Variants in WDFY2 observed in about 807,000 individuals in gnomAD.
WDFY2 encodes WD repeat and FYVE domain containing 2.
Under a neutral mutation model 56.4 loss-of-function variants are expected in WDFY2, and 36 were observed. The ratio of observed to expected loss-of-function variants is 0.64; its 90% CI spans 0.49 to 0.84. The LOEUF (loss-of-function observed/expected upper bound fraction) is 0.84, where lower values mean the gene tolerates loss of function less well. Ranked by LOEUF, WDFY2 falls within the 40% of genes least tolerant of loss-of-function variation. WDFY2 has a pLI of 0.00. For synonymous variants in WDFY2, 176 were observed against 183.7 expected, an observed-to-expected ratio of 0.96 and a Z score of 0.34; for missense variants, 444 against 512.2, an observed-to-expected ratio of 0.87 and a Z score of 1.29.
chr13:51,622,911 G>A (rs1369077477), intron 1 of WDFY2, among the ~76,000 whole-genome samples: 6 of 148,002 alleles, frequency 4.1e-5, no homozygotes, highest in African/African-American at 1.5e-4. Context: ...AGGCTGGAGT[G>A]TGGTGGTACG....
intron 2 of WDFY2, among the ~76,000 whole-genome samples, chr13:51,662,432 C>T (rs1219012140): frequency 6.6e-6 from 1 of 152,158 alleles, no homozygotes; most frequent in Non-Finnish European, 1.5e-5. Context: ...AAGGGAGAGG[C>T]TGACCTGGGC....
intron 7 of WDFY2, among the ~76,000 whole-genome samples, chr13:51,745,930 A>G (rs1236473413): frequency 2.0e-5 from 3 of 150,042 alleles, no homozygotes; most frequent in Admixed American, 6.6e-5. Context: ...GGAAGTTTTT[A>G]TAAAGAATCT....
chr13:51,694,268 C>T (rs757302953), intron 3 of WDFY2, among the ~76,000 whole-genome samples: 1 of 152,210 alleles, frequency 6.6e-6, no homozygotes, highest in Non-Finnish European at 1.5e-5. Flanking sequence ...GATGCAGTTT[C>T]TTCCTAGCCT....
At chr13:51,661,120 A>G (rs1031285349) in intron 2 of WDFY2, among the ~76,000 whole-genome samples, 2 of 152,186 alleles carry the variant, frequency 1.3e-5, no homozygotes, top group African/African-American at 2.4e-5. Context: ...AAACATTCTA[A>G]TTAGATGTTG....
chr13:51,703,717 A>G (rs1952031315), intron 4 of WDFY2, 67 bp downstream of exon 4: 3 of 1,244,230 alleles, frequency 2.4e-6, no homozygotes, highest in Non-Finnish European at 2.3e-6. Flanking sequence ...TTTCACTGCC[A>G]CAAGAGAATA....
At chr13:51,650,857 A>G (rs1955366462) in intron 1 of WDFY2, among the ~76,000 whole-genome samples, 1 of 152,040 alleles carries the variant, frequency 6.6e-6, no homozygotes, top group East Asian at 1.9e-4. Context: ...TTCATCAGGG[A>G]TATTGGTCTA....
chr13:51,728,659 T>C (rs1337584752), intron 6 of WDFY2, among the ~76,000 whole-genome samples: 3 of 151,864 alleles, frequency 2.0e-5, no homozygotes, highest in Admixed American at 2.0e-4. Flanking sequence ...AGGGAAAAAA[T>C]GGAATGCTAG....
chr13:51,674,819 T>C (rs1955860213), intron 2 of WDFY2, among the ~76,000 whole-genome samples: 1 of 152,126 alleles, frequency 6.6e-6, no homozygotes, highest in Admixed American at 6.5e-5. Context: ...TAAGATGGAA[T>C]TGGAGTGGTA....
chr13:51,585,965 G>A (rs1166932319), intron 1 of WDFY2: 4 of 398,278 alleles, frequency 1.0e-5, no homozygotes, highest in Non-Finnish European at 1.8e-5. Context: ...GTATATTAAT[G>A]ACATGTTCTT....
intron 4 of WDFY2, among the ~76,000 whole-genome samples, chr13:51,707,698 A>T (rs1952113277): frequency 6.6e-6 from 1 of 152,136 alleles, no homozygotes. Flanking sequence ...AAAAATGGGA[A>T]CTGAAAGGTT....
intron 10 of WDFY2, among the ~76,000 whole-genome samples, chr13:51,757,807 A>T (rs1953444820): frequency 6.6e-6 from 1 of 151,130 alleles, no homozygotes; most frequent in Non-Finnish European, 1.5e-5. Context: ...TAGTAATATC[A>T]TGGGACACTT....
In WDFY2 at chr13:51,763,543, A is replaced by C. The variant is rs961660994; in HGVS notation, c.*3774A>C. ...GCCAGGTGCCATGGCTCACACCTAT[A>C]ATCTGAACACTTTGGGAGGACAAGG... On this transcript the variant is annotated 3_prime_UTR_variant, in exon 12 of 12. Coordinates refer to ENST00000298125, the MANE Select transcript of WDFY2 (RefSeq NM_052950.4). 8 of 152,236 alleles carry C rather than the reference A, an allele frequency of 5.3e-5. No homozygotes were observed. Among genetic ancestry groups the C allele is most frequent in the African/African-American group, 9.6e-5 (4 of 41,452 alleles). The allele number at this position is 152,236 out of a possible 1,614,324, so 9.4% of individuals were successfully genotyped here. A position where few individuals can be genotyped will look rare whatever the true frequency, so the allele number is the denominator to read the frequency against.
intron 1 of WDFY2, among the ~76,000 whole-genome samples, chr13:51,612,918 T>C (rs903653481): frequency 1.3e-5 from 2 of 152,216 alleles, no homozygotes; most frequent in Non-Finnish European, 2.9e-5. Flanking sequence ...AGGGAGTTTA[T>C]TCATAGTTGA....
chr13:51,670,026 A>T (rs1955779377), intron 2 of WDFY2, among the ~76,000 whole-genome samples: 1 of 152,186 alleles, frequency 6.6e-6, no homozygotes. Flanking sequence ...AGTAATTTTA[A>T]GGTGGGGGAA....
chr13:51,610,288 G>A (rs1037407414), intron 1 of WDFY2, among the ~76,000 whole-genome samples: 5 of 141,520 alleles, frequency 3.5e-5, no homozygotes, highest in Admixed American at 2.2e-4. Flanking sequence ...ATCCCTTTTC[G>A]TTGATGATTT....
chr13:51,645,202 ATTAG>A (rs1004100070), intron 1 of WDFY2, among the ~76,000 whole-genome samples: 3 of 150,560 alleles, frequency 2.0e-5, no homozygotes, highest in African/African-American at 7.4e-5. Flanking sequence ...AAGTTTTTCT[ATTAG>A]TTTGCAGATC....
chr13:51,659,738 C>G (rs1029832059), intron 1 of WDFY2, among the ~76,000 whole-genome samples: 4 of 152,206 alleles, frequency 2.6e-5, no homozygotes, highest in Non-Finnish European at 4.4e-5. Context: ...TGTTCCATAG[C>G]AAGCCTCATG....
chr13:51,759,913 C>G lies in WDFY2; in HGVS notation c.*144C>G. 1 of 836,604 alleles carries G rather than the reference C, an allele frequency of 1.2e-6. No homozygotes were observed. Among genetic ancestry groups the G allele is most frequent in the Non-Finnish European group, 1.9e-6 (1 of 526,862 alleles). The allele number at this position is 836,604 out of a possible 1,614,324, so 51.8% of individuals were successfully genotyped here. On this transcript the variant is annotated 3_prime_UTR_variant, in exon 12 of 12. Coordinates refer to ENST00000298125, the MANE Select transcript of WDFY2 (RefSeq NM_052950.4). ...AATGAATTTGCAGATTACCCATGTG[C>G]ACAGTGGGGACCTGGCCAGTGAGCA...
intron 5 of WDFY2, among the ~76,000 whole-genome samples, chr13:51,721,364 A>C (rs1294150434): frequency 6.6e-6 from 1 of 152,136 alleles, no homozygotes; most frequent in Non-Finnish European, 1.5e-5. Context: ...CACTTAGCCA[A>C]GCCCAAGGAG....
Sources: gnomAD v4.1 joint callset for allele counts (sites outside exome capture counted in the v4.1 genomes callset) on GRCh38, gnomAD v4.1.1 for gene constraint, MANE v1.5 for transcripts, NCBI Gene and HGNC (gene_info 2026-07-23, HGNC 2026-07-21) for gene names.